DSTYK: variants seen among roughly 807,000 people sequenced by gnomAD.
The protein encoded by DSTYK is RIP-homologous kinase.
DSTYK carries 34 observed loss-of-function variants against 98.7 expected under a neutral mutation model. The ratio of observed to expected loss-of-function variants is 0.34; its 90% CI spans 0.26 to 0.46. The LOEUF (loss-of-function observed/expected upper bound fraction) is 0.46. Ranked by LOEUF, DSTYK falls within the 20% of genes least tolerant of loss-of-function variation. The pLI is 1.00. For missense variants in DSTYK, 962 were observed against 1,181.7 expected (o/e 0.81, Z 2.73); for synonymous variants, 462 against 457.3 (o/e 1.01, Z -0.13).
intron 2 of DSTYK, among the ~76,000 whole-genome samples, chr1:205,173,811 T>C (rs1658143771): frequency 1.3e-5 from 2 of 151,516 alleles, no homozygotes; most frequent in African/African-American, 4.8e-5. Context: ...CTCTGCCTCC[T>C]GGGTTCAAGT....
intron 1 of DSTYK, among the ~76,000 whole-genome samples, chr1:205,206,681 C>T (rs1245387744): frequency 6.6e-6 from 1 of 151,038 alleles, no homozygotes; most frequent in Non-Finnish European, 1.5e-5. Context: ...CTCCCAGATT[C>T]AAGCGATTCT....
intron 1 of DSTYK, among the ~76,000 whole-genome samples, chr1:205,203,058 T>A (rs1281938981): frequency 1.4e-4 from 21 of 152,292 alleles, no homozygotes; most frequent in Non-Finnish European, 2.9e-5. Context: ...TGGATTTTTA[T>A]TTAAATCCAT....
At chr1:205,175,407 T>C (rs1204512347) in intron 2 of DSTYK, among the ~76,000 whole-genome samples, 1 of 152,200 alleles carries the variant, frequency 6.6e-6, no homozygotes, top group Non-Finnish European at 1.5e-5. Context: ...TGCCTATTCC[T>C]AAATATACCT....
rs1657971673 is a variant in DSTYK, at chr1:205,169,044, G to C, written c.1324+119C>G. On this transcript the variant is annotated intron_variant, in intron 3 of 12. Transcript: ENST00000367162. This position sits in a 1 kb window ranked among gnomAD's most constrained non-coding sequence, Gnocchi z 4.0. ...GTGGGCTCCTGCTGGTAACAGTGGGGTGGATGAAGTTACCCTGAGATTCCT... is the reference window on the plus strand; with the variant it reads ...GTGGGCTCCTGCTGGTAACAGTGGGCTGGATGAAGTTACCCTGAGATTCCT... 8.2e-6 allele frequency: 7 copies of C among 854,588 alleles called. No individual in the cohort carries two copies. The East Asian group carries it at 1.8e-4, about 21-fold the overall frequency. 52.9% of individuals were successfully genotyped at this position (854,588 alleles called of 1,614,324 possible).
rs1657120940 is a variant in DSTYK at position 205,143,097 on chromosome 1, AG to A, written c.*4460del. On this transcript the variant is annotated 3_prime_UTR_variant, in exon 13 of 13. Transcript: ENST00000367162. Reference sequence around the variant, plus strand: ...TCCTTACCCACTTTAACATCAAACAAGCTCTATTCATCCCACCTCCATAACT... The same window carrying A: ...TCCTTACCCACTTTAACATCAAACAACTCTATTCATCCCACCTCCATAACT... 6.6e-6 allele frequency: 1 copy of A among 152,104 alleles called. No homozygotes were observed. 9.4% of individuals were successfully genotyped at this position (152,104 alleles called of 1,614,324 possible). A position where few individuals can be genotyped will look rare whatever the true frequency, so the allele number is the denominator to read the frequency against.
At chr1:205,188,506 G>C (rs771301317) in intron 1 of DSTYK, among the ~76,000 whole-genome samples, 1 of 152,118 alleles carries the variant, frequency 6.6e-6, no homozygotes, top group Non-Finnish European at 1.5e-5. Flanking sequence ...GTAAGTATTT[G>C]TGTATCTAAA....
At position 205,185,762 on chromosome 1, in the gene DSTYK, G is replaced by A. The variant is rs1425355678; in HGVS notation, c.654+1656C>T. Among the ~76,000 whole-genome samples, 6 of 152,186 alleles carry A rather than the reference G, an allele frequency of 3.9e-5. No individual in the cohort carries two copies. The South Asian group carries it at 6.2e-4, about 16-fold the overall frequency. On this transcript the variant is annotated intron_variant, in intron 2 of 12. Coordinates refer to ENST00000367162, the MANE Select transcript of DSTYK (RefSeq NM_015375.3). Reference sequence around the variant, plus strand: ...AAAGTAGCCAGGCGTGGTGGCTCACGCCTGTAATCCCAGCACTTTGGGAGG... The same window carrying A: ...AAAGTAGCCAGGCGTGGTGGCTCACACCTGTAATCCCAGCACTTTGGGAGG...
chr1:205,144,574 A>G lies in DSTYK; in HGVS notation c.*2984T>C, dbSNP rs117177592. 1 of 152,678 alleles carries G rather than the reference A, an allele frequency of 6.5e-6. No individual in the cohort carries two copies. Among genetic ancestry groups the G allele is most frequent in the South Asian group, 2.1e-4 (1 of 4,838 alleles). 9.5% of individuals were successfully genotyped at this position (152,678 alleles called of 1,614,324 possible). ...TGACAATGTTATAAAACAAAAGCAA[A>G]GTATACACACTCTATACACACGTAT... On this transcript the variant is annotated 3_prime_UTR_variant, in exon 13 of 13. Coordinates refer to ENST00000367162, the MANE Select transcript of DSTYK (RefSeq NM_015375.3).
At position 205,169,824 on chromosome 1, in the gene DSTYK, G is replaced by A. The variant is rs182725278; in HGVS notation, c.663C>T (p.Asp221=). Residue 221 remains aspartate, a synonymous_variant, in exon 3 of 13, where the codon GAC becomes GAT. Coordinates refer to ENST00000367162, the MANE Select transcript of DSTYK (RefSeq NM_015375.3). This position sits in a 1 kb window ranked among gnomAD's most constrained non-coding sequence, Gnocchi z 4.0. ...GGCCTTGGCATGGTGCTACCACAAC[G>A]TCCACTTCCTGGAAGGGGAAGGGGG... is the stretch of plus-strand genomic sequence containing the variant. ...TMHHALLQEV[D]VVVAPCQGLR... 6 of 1,609,516 alleles carry A rather than the reference G, an allele frequency of 3.7e-6. No individual in the cohort carries two copies. The highest frequency in any genetic ancestry group is 3.3e-5 in the South Asian group (3 of 90,814).
chr1:205,180,304 C>A (rs543668570), intron 2 of DSTYK, among the ~76,000 whole-genome samples: 1 of 151,222 alleles, frequency 6.6e-6, no homozygotes, highest in Admixed American at 6.6e-5. Flanking sequence ...TGATGCTCCC[C>A]GCCTTGTGTC....
intron 1 of DSTYK, among the ~76,000 whole-genome samples, chr1:205,204,762 C>T (rs1415820807): frequency 2.6e-5 from 4 of 152,164 alleles, no homozygotes; most frequent in Non-Finnish European, 4.4e-5. Context: ...TCATTTTCTT[C>T]TCCCCACATC....
chr1:205,171,030 GA>G (rs34037566), intron 2 of DSTYK, among the ~76,000 whole-genome samples: 338 of 143,698 alleles, frequency 2.4e-3, no homozygotes, highest in Non-Finnish European at 3.8e-3. Flanking sequence ...TTCATGTAAG[GA>G]AAAAAAAAAA....
At chr1:205,166,425 G>A (rs1657892557) in intron 3 of DSTYK, among the ~76,000 whole-genome samples, 1 of 151,668 alleles carries the variant, frequency 6.6e-6, no homozygotes, top group South Asian at 2.1e-4. Context: ...GGCTGAAGCA[G>A]GAGGATCGCT....
intron 9 of DSTYK, among the ~76,000 whole-genome samples, chr1:205,158,190 A>G (rs1464752365): frequency 6.6e-6 from 1 of 152,204 alleles, no homozygotes; most frequent in Non-Finnish European, 1.5e-5. Context: ...GAAATGCATC[A>G]GACAATGCTT....
At chr1:205,175,819 G>A (rs796262436) in intron 2 of DSTYK, among the ~76,000 whole-genome samples, 1 of 152,240 alleles carries the variant, frequency 6.6e-6, no homozygotes, top group East Asian at 1.9e-4. Context: ...AACAGTGCCT[G>A]GCACTTAGTA....
rs994963880 is a variant in DSTYK, at chr1:205,172,484, GT to G, written c.655-2653del. Among the ~76,000 whole-genome samples, 620 of 136,900 alleles carry G rather than the reference GT, an allele frequency of 4.5e-3. 2 individuals carry two copies. Among genetic ancestry groups the G allele is most frequent in the East Asian group, 0.01 (48 of 4,726 alleles). The allele number at this position is 136,900 out of a possible 152,430, so 89.8% of individuals were successfully genotyped here. A position where few individuals can be genotyped will look rare whatever the true frequency, so the allele number is the denominator to read the frequency against. On this transcript the variant is annotated intron_variant, in intron 2 of 12. Coordinates refer to ENST00000367162, the MANE Select transcript of DSTYK (RefSeq NM_015375.3). ...CCAGCTAATTTTCATTCTTTTTTGGGTTTTTTTTTTTTGGTAGAGATGGGGT... is the reference window on the plus strand; with the variant it reads ...CCAGCTAATTTTCATTCTTTTTTGGGTTTTTTTTTTTGGTAGAGATGGGGT...
At chr1:205,198,100 G>A (rs956362986) in intron 1 of DSTYK, among the ~76,000 whole-genome samples, 2 of 152,122 alleles carry the variant, frequency 1.3e-5, no homozygotes, top group African/African-American at 4.8e-5. Flanking sequence ...GGCTGAGGCA[G>A]AAGAATCGCT....
chr1:205,161,506 A>C lies in DSTYK; in HGVS notation c.1819-119T>G, dbSNP rs559412855. On this transcript the variant is annotated intron_variant, in intron 6 of 12. Coordinates refer to ENST00000367162, the MANE Select transcript of DSTYK (RefSeq NM_015375.3). ...GATAATTGTGAGAATTAAACAAGAT[A>C]CATGTAACATGTTTAGCACAGAGAC... 1.9e-4 allele frequency: 207 copies of C among 1,065,002 alleles called. 1 individual carries two copies. In the Middle Eastern group the frequency reaches 6.8e-3, roughly 35 times the overall value. 66.0% of individuals were successfully genotyped at this position (1,065,002 alleles called of 1,614,324 possible). A position where few individuals can be genotyped will look rare whatever the true frequency, so the allele number is the denominator to read the frequency against.
intron 2 of DSTYK, among the ~76,000 whole-genome samples, chr1:205,170,940 C>T (rs573143207): frequency 2.6e-5 from 4 of 151,130 alleles, no homozygotes; most frequent in Non-Finnish European, 4.4e-5. Flanking sequence ...GATGATGACA[C>T]CAAAAGAAAG....
Sources: gnomAD v4.1 joint callset for allele counts (sites outside exome capture counted in the v4.1 genomes callset) on GRCh38, gnomAD v4.1.1 for gene constraint, Gnocchi (gnomAD v3.1) non-coding constraint, MANE v1.5 for transcripts, NCBI Gene and HGNC (gene_info 2026-07-23, HGNC 2026-07-21) for gene names.